The following SLC30A8 variants were observed in gnomAD, a reference collection of about 807,000 sequenced individuals.
The protein encoded by SLC30A8 is solute carrier family 30 member 8.
SLC30A8 carries 27 observed loss-of-function variants against 36.9 expected under a neutral mutation model. The ratio of observed to expected loss-of-function variants is 0.73; its 90% CI spans 0.54 to 1.01. SLC30A8 has a LOEUF of 1.01. Ranked by LOEUF, SLC30A8 falls within the 50% of genes least tolerant of loss-of-function variation. The pLI, the probability that SLC30A8 is intolerant of heterozygous loss-of-function variation, is 0.00. For synonymous variants in SLC30A8, 164 were observed against 172.4 expected (o/e 0.95, Z 0.38); for missense variants, 439 against 452.0 (o/e 0.97, Z 0.26).
intron 2 of SLC30A8, among the ~76,000 whole-genome samples, chr8:117,049,604 C>G (rs1817648704): frequency 6.6e-6 from 1 of 152,220 alleles, no homozygotes; most frequent in South Asian, 2.1e-4. Context: ...TTTTTACGAA[C>G]TGCCATCCTC....
intron 1 of SLC30A8, among the ~76,000 whole-genome samples, chr8:117,012,462 T>G (rs1816374449): frequency 6.6e-6 from 1 of 152,076 alleles, no homozygotes. Flanking sequence ...TTTTGTCATG[T>G]CATTATTACC....
At chr8:116,978,646 TGAAA>T (rs1815141956) in intron 1 of SLC30A8, among the ~76,000 whole-genome samples, 1 of 152,194 alleles carries the variant, frequency 6.6e-6, no homozygotes, top group African/African-American at 2.4e-5. Context: ...AAAAATGTTA[TGAAA>T]GAAAGCCACA....
intron 1 of SLC30A8, among the ~76,000 whole-genome samples, chr8:116,990,783 T>C (rs1339584760): frequency 6.6e-6 from 1 of 152,188 alleles, no homozygotes; most frequent in Non-Finnish European, 1.5e-5. Flanking sequence ...CAGGGGAAAC[T>C]GGGTGAGAGG....
chr8:116,976,904 C>T (rs1394474217), intron 1 of SLC30A8, among the ~76,000 whole-genome samples: 2 of 150,408 alleles, frequency 1.3e-5, no homozygotes, highest in Non-Finnish European at 2.9e-5. Context: ...GCAACCTCCA[C>T]CTCCTGGGTT....
intron 2 of SLC30A8, chr8:117,055,989 G>A (rs1026931180): frequency 2.0e-5 from 3 of 152,168 alleles, no homozygotes; most frequent in Non-Finnish European, 4.4e-5. Context: ...TGGAAAGCAA[G>A]CAACAAATGT....
At chr8:116,969,204 G>A (rs1302476014) in intron 1 of SLC30A8, among the ~76,000 whole-genome samples, 1 of 152,076 alleles carries the variant, frequency 6.6e-6, no homozygotes, top group Non-Finnish European at 1.5e-5. Flanking sequence ...GATCATTTGA[G>A]GTCAGGAGTT....
At chr8:117,156,864 G>T (rs1434620204) in intron 3 of SLC30A8, among the ~76,000 whole-genome samples, 5 of 152,216 alleles carry the variant, frequency 3.3e-5, no homozygotes, top group Non-Finnish European at 7.3e-5. Flanking sequence ...ACATTACTCT[G>T]CTTTAAAAGG....
In SLC30A8 at chr8:117,041,026, T is replaced by G. The variant is rs62510472; in HGVS notation, c.-226+1768T>G. On this transcript the variant is annotated intron_variant, in intron 2 of 10. Transcript: ENST00000427715. Reference sequence around the variant, plus strand: ...AAGGGAGATAAACTGAGGACCAGATTTGAGAGGTTTCCAGCCACACAGGGA... The same window carrying G: ...AAGGGAGATAAACTGAGGACCAGATGTGAGAGGTTTCCAGCCACACAGGGA... 9.6e-3 allele frequency among the ~76,000 whole-genome samples: 1,455 copies of G among 152,164 alleles called. 11 individuals are homozygous for G. The highest frequency in any genetic ancestry group is 0.016 in the Non-Finnish European group (1,074 of 68,014).
chr8:117,084,967 G>A (rs1378285869), intron 2 of SLC30A8, among the ~76,000 whole-genome samples: 2 of 152,046 alleles, frequency 1.3e-5, no homozygotes, highest in Non-Finnish European at 2.9e-5. Flanking sequence ...TGGGAAACAA[G>A]CAATAACAAA....
At chr8:117,054,277 T>C (rs548231695) in intron 2 of SLC30A8, among the ~76,000 whole-genome samples, 2 of 152,122 alleles carry the variant, frequency 1.3e-5, no homozygotes, top group South Asian at 2.1e-4. Context: ...TTTAAATTTT[T>C]TTTTGTAGAA....
intron 1 of SLC30A8, among the ~76,000 whole-genome samples, chr8:117,029,570 C>T (rs916320800): frequency 2.6e-5 from 4 of 152,192 alleles, no homozygotes; most frequent in East Asian, 1.9e-4. Flanking sequence ...TCATAACCCT[C>T]GCATTGCTGA....
chr8:117,103,449 T>C (rs909712905), intron 2 of SLC30A8, among the ~76,000 whole-genome samples: 9 of 151,546 alleles, frequency 5.9e-5, no homozygotes, highest in Admixed American at 3.3e-4. Flanking sequence ...CTCAGAGTCA[T>C]GTTTCCTTTT....
intron 1 of SLC30A8, among the ~76,000 whole-genome samples, chr8:117,001,135 G>T (rs1264054297): frequency 1.3e-5 from 2 of 148,256 alleles, no homozygotes; most frequent in African/African-American, 4.9e-5. Flanking sequence ...TTGGCCATAG[G>T]TATTATGTTA....
intron 1 of SLC30A8, among the ~76,000 whole-genome samples, chr8:116,997,035 TC>T (rs1472814348): frequency 1.3e-5 from 2 of 151,688 alleles, no homozygotes; most frequent in Non-Finnish European, 2.9e-5. Flanking sequence ...CTCTTCAGAG[TC>T]CAGTTTAGCA....
chr8:117,056,473 C>T (rs1376518380), intron 2 of SLC30A8, among the ~76,000 whole-genome samples: 1 of 152,164 alleles, frequency 6.6e-6, no homozygotes, highest in Non-Finnish European at 1.5e-5. Flanking sequence ...AAGCAGCCAC[C>T]ATCCTGATCC....
intron 1 of SLC30A8, among the ~76,000 whole-genome samples, chr8:116,975,557 G>A (rs371110277): frequency 2.0e-5 from 3 of 152,314 alleles, no homozygotes; most frequent in African/African-American, 7.2e-5. Flanking sequence ...GTTTGGTAAA[G>A]TGTCACCTGC....
intron 1 of SLC30A8, among the ~76,000 whole-genome samples, chr8:117,003,085 TG>T (rs1376027015): frequency 6.6e-6 from 1 of 152,214 alleles, no homozygotes; most frequent in Non-Finnish European, 1.5e-5. Flanking sequence ...TATCTAATCT[TG>T]TTGAATGTCA....
intron 1 of SLC30A8, among the ~76,000 whole-genome samples, chr8:116,992,667 T>C (rs1363091747): frequency 6.6e-6 from 1 of 151,364 alleles, no homozygotes; most frequent in African/African-American, 2.5e-5. Flanking sequence ...GCTACCTGTA[T>C]TGAGAAAAAA....
intron 2 of SLC30A8, among the ~76,000 whole-genome samples, chr8:117,113,159 G>A (rs955037983): frequency 3.3e-5 from 5 of 152,114 alleles, no homozygotes; most frequent in African/African-American, 1.2e-4. Context: ...AACGGAATCA[G>A]CTTTTAACCA....
Sources: allele counts gnomAD v4.1 joint callset (sites outside exome capture counted in the v4.1 genomes callset), GRCh38; gene constraint gnomAD v4.1.1; transcripts MANE v1.5; gene names NCBI Gene and HGNC (gene_info 2026-07-23, HGNC 2026-07-21).